The following PEAK1 variants were observed in gnomAD, a reference collection of about 807,000 sequenced individuals.
PEAK1 encodes the protein pseudopodium enriched atypical kinase 1.
A neutral mutation model predicts 124.7 loss-of-function variants in PEAK1; 54 were observed. The observed-to-expected ratio is 0.43, with a 90% CI of 0.35 to 0.54. The LOEUF (loss-of-function observed/expected upper bound fraction) is 0.54. PEAK1 is among the 20% of genes least tolerant of loss of function. The pLI is 0.01. For synonymous variants in PEAK1, 719 were observed against 760.0 expected (o/e 0.95, Z 0.89); for missense variants, 2,046 against 2,134.5 (o/e 0.96, Z 0.82).
intron 2 of PEAK1, among the ~76,000 whole-genome samples, chr15:77,296,526 A>C (rs1555471202): frequency 1.3e-5 from 2 of 151,702 alleles, no homozygotes; most frequent in Non-Finnish European, 2.9e-5. Context: ...AGGCAGGAGA[A>C]TTGCTTGAAC....
chr15:77,181,766 C>CCCTT lies in PEAK1; in HGVS notation c.160_161insAAGG (p.Arg54GlnfsTer15), dbSNP rs1567083539. 6.2e-7 allele frequency: 1 copy of CCCTT among 1,614,036 alleles called. No individual in the cohort carries two copies. Among genetic ancestry groups the CCCTT allele is most frequent in the Admixed American group, 1.7e-5 (1 of 60,002 alleles). ...CCGGAAATTGCCCGTGTTCCTGATG[C>CCCTT]GGTGGTTGTTACTGTGATTGGCATT... On this transcript the variant is annotated frameshift_variant, in exon 7 of 10. Transcript: ENST00000682557. LOFTEE classifies it high-confidence loss of function.
In PEAK1 at chr15:77,313,692, G is replaced by GTGTGTGTATATA. The variant is rs34603921; in HGVS notation, c.-602-27189_-602-27188insTATATACACACA. 2.2e-4 allele frequency among the ~76,000 whole-genome samples: 22 copies of GTGTGTGTATATA among 98,806 alleles called. 1 individual carries two copies. The highest frequency in any genetic ancestry group is 8.7e-4 in the African/African-American group (21 of 24,096). 64.8% of individuals were successfully genotyped at this position (98,806 alleles called of 152,430 possible). On this transcript the variant is annotated intron_variant, in intron 2 of 9. Coordinates refer to ENST00000682557, the MANE Select transcript of PEAK1 (RefSeq NM_001385026.1). ...TGTGTGTGTGTGTGTGTGTGTGTGTGTATATATATATATGTATGTGTGTGT... is the reference window on the plus strand; with the variant it reads ...TGTGTGTGTGTGTGTGTGTGTGTGTGTGTGTGTATATATATATATATATATGTATGTGTGTGT...
chr15:77,301,563 C>T (rs746509436), intron 2 of PEAK1, among the ~76,000 whole-genome samples: 1 of 152,138 alleles, frequency 6.6e-6, no homozygotes, highest in Non-Finnish European at 1.5e-5. Context: ...TATTTGATTT[C>T]TCATTAGACT....
rs998191604 is a variant in PEAK1 at position 77,275,795 on chromosome 15, ATCT to A, written c.-275+8085_-275+8087del. ...TTTTTTTAAAGAAAGAAAAAGAATT[ATCT>A]CACAAGGATTTTAAGGCAGCCACCA... On this transcript the variant is annotated intron_variant, in intron 5 of 9. Coordinates refer to ENST00000682557, the MANE Select transcript of PEAK1 (RefSeq NM_001385026.1). 2.6e-5 allele frequency among the ~76,000 whole-genome samples: 4 copies of A among 152,156 alleles called. 1 individual carries two copies. The highest frequency in any genetic ancestry group is 1.3e-4 in the Admixed American group (2 of 15,274).
At chr15:77,217,957 T>C (rs1014684697) in intron 6 of PEAK1, among the ~76,000 whole-genome samples, 1 of 152,214 alleles carries the variant, frequency 6.6e-6, no homozygotes, top group African/African-American at 2.4e-5. Flanking sequence ...GTGATTTTTG[T>C]CTATTGACTG....
chr15:77,166,635 A>C (rs1282143355), intron 7 of PEAK1, among the ~76,000 whole-genome samples: 1 of 152,230 alleles, frequency 6.6e-6, no homozygotes, highest in African/African-American at 2.4e-5. Flanking sequence ...GTGTTTTATA[A>C]ATGAAGAAAT....
intron 2 of PEAK1, among the ~76,000 whole-genome samples, chr15:77,338,641 AAAAATATAT>A (rs1421030317): frequency 2.8e-5 from 4 of 142,612 alleles, no homozygotes; most frequent in African/African-American, 1.1e-4. Flanking sequence ...CTTTAAAAAA[AAAAATATAT>A]ATATATATAT....
At chr15:77,265,300 C>T (rs2061663377) in intron 5 of PEAK1, among the ~76,000 whole-genome samples, 1 of 152,076 alleles carries the variant, frequency 6.6e-6, no homozygotes, top group South Asian at 2.1e-4. Flanking sequence ...AAAGAAACTA[C>T]CAACAAAGTG....
At position 77,179,849 on chromosome 15, in the gene PEAK1, T is replaced by C; in HGVS notation, c.2078A>G (p.Asn693Ser). ...TDCLQTKGFS[N>S]STEHKRGSVA... ...TGAGCCCCTTTTATGCTCTGTGCTG[T>C]TTGAAAACCCTTTAGTTTGAAGACA... Residue 693 changes from asparagine (N) to serine (S), a missense_variant, in exon 7 of 10, where the codon AAC becomes AGC. Physicochemically the swap from Asn to Ser is conservative, Grantham distance 46 (BLOSUM62 1). Coordinates refer to ENST00000682557, the MANE Select transcript of PEAK1 (RefSeq NM_001385026.1). 6.2e-7 allele frequency: 1 copy of C among 1,614,174 alleles called. No homozygotes were observed. Among genetic ancestry groups the C allele is most frequent in the Non-Finnish European group, 8.5e-7 (1 of 1,180,008 alleles).
chr15:77,135,777 G>A (rs2053270873), intron 8 of PEAK1, among the ~76,000 whole-genome samples: 1 of 152,174 alleles, frequency 6.6e-6, no homozygotes, highest in Non-Finnish European at 1.5e-5. Flanking sequence ...CACATACGAT[G>A]TGACTTGCTC....
At chr15:77,251,636 TGAGGTAG>T (rs2060887527) in intron 6 of PEAK1, among the ~76,000 whole-genome samples, 1 of 152,132 alleles carries the variant, frequency 6.6e-6, no homozygotes, top group Non-Finnish European at 1.5e-5. Flanking sequence ...TTGAAGGATG[TGAGGTAG>T]GAGGCGGGAC....
intron 1 of PEAK1, among the ~76,000 whole-genome samples, chr15:77,389,301 G>C (rs1057426109): frequency 2.0e-5 from 3 of 151,944 alleles, no homozygotes; most frequent in Admixed American, 2.0e-4. Flanking sequence ...GAAAAATTTT[G>C]ACCCTAATTT....
intron 2 of PEAK1, among the ~76,000 whole-genome samples, chr15:77,301,000 T>C (rs1180392263): frequency 6.6e-6 from 1 of 152,136 alleles, no homozygotes; most frequent in Non-Finnish European, 1.5e-5. Context: ...TACAGGCATG[T>C]GCCACCATGC....
intron 2 of PEAK1, chr15:77,333,760 C>T: frequency 1.1e-6 from 1 of 947,104 alleles, no homozygotes; most frequent in Non-Finnish European, 1.3e-6. Flanking sequence ...AGGACTCTAC[C>T]TTGTTCCATT....
At chr15:77,285,881 T>C (rs2062903345) in intron 3 of PEAK1, among the ~76,000 whole-genome samples, 1 of 152,196 alleles carries the variant, frequency 6.6e-6, no homozygotes, top group African/African-American at 2.4e-5. Context: ...CTTAGTTATT[T>C]CTTGTCTTCT....
chr15:77,179,422 T>C lies in PEAK1; in HGVS notation c.2505A>G (p.Thr835=). 2 of 1,614,160 alleles carry C rather than the reference T, an allele frequency of 1.2e-6. No individual in the cohort carries two copies. The highest frequency in any genetic ancestry group is 2.2e-5 in the South Asian group (2 of 91,070). ...PSGEAEAPQT[T]DSPTTKVQKD... The stretch of plus-strand genomic sequence containing the variant: ...TCTGTACTTTGGTGGTAGGACTGTC[T>C]GTGGTCTGAGGTGCTTCAGCCTCAC... The change falls in exon 7 of 10, where the codon ACA becomes ACG. Residue 835 remains threonine, a synonymous_variant. Transcript: ENST00000682557.
chr15:77,369,408 C>T (rs201689780), intron 1 of PEAK1, among the ~76,000 whole-genome samples: 1 of 152,246 alleles, frequency 6.6e-6, no homozygotes, highest in African/African-American at 2.4e-5. Context: ...TGGGAAAACA[C>T]CATCACCAAG....
At chr15:77,168,470 A>G (rs1230031913) in intron 7 of PEAK1, among the ~76,000 whole-genome samples, 3 of 152,124 alleles carry the variant, frequency 2.0e-5, no homozygotes, top group African/African-American at 7.2e-5. Context: ...CAATTATTCA[A>G]CCCTGTTGTA....
intron 6 of PEAK1, among the ~76,000 whole-genome samples, chr15:77,201,232 CTTTTTTT>C: frequency 1.3e-5 from 1 of 77,262 alleles, no homozygotes; most frequent in African/African-American, 4.4e-5. Flanking sequence ...GCCTTTGTGT[CTTTTTTT>C]TTTTTTTTTT....
Sources: allele counts gnomAD v4.1 joint callset (sites outside exome capture counted in the v4.1 genomes callset), GRCh38; gene constraint gnomAD v4.1.1; transcripts MANE v1.5; gene names NCBI Gene and HGNC (gene_info 2026-07-23, HGNC 2026-07-21).